The following BMPR2 variants were observed in gnomAD, a reference collection of about 807,000 sequenced individuals.
The protein encoded by BMPR2 is bone morphogenetic protein receptor type-2.
In BMPR2, 29 loss-of-function variants were observed where a neutral mutation model predicts 100.8. The ratio of observed to expected loss-of-function variants is 0.29; its 90% CI spans 0.21 to 0.39. The LOEUF (loss-of-function observed/expected upper bound fraction) is 0.39, where lower values mean the gene tolerates loss of function less well. Among genes scored for constraint, BMPR2 ranks in the 10% least tolerant of loss-of-function variants. The pLI, the probability that BMPR2 is intolerant of heterozygous loss-of-function variation, is 1.00. For missense variants in BMPR2, 1,011 were observed against 1,274.5 expected, an observed-to-expected ratio of 0.79 and a Z score of 3.15; for synonymous variants, 382 against 442.3, an observed-to-expected ratio of 0.86 and a Z score of 1.71.
intron 3 of BMPR2, among the ~76,000 whole-genome samples, chr2:202,484,380 C>A (rs1269345374): frequency 6.6e-6 from 1 of 151,682 alleles, no homozygotes; most frequent in Non-Finnish European, 1.5e-5. Context: ...TCCTTCCTTC[C>A]GAAAAAAAAT....
chr2:202,460,978 G>A lies in BMPR2; in HGVS notation c.77-3831G>A, dbSNP rs534473632. Among the ~76,000 whole-genome samples the A allele has an allele frequency of 8.6e-5, 13 of 151,844 alleles. No individual in the cohort carries two copies. In the East Asian group the frequency reaches 2.1e-3, roughly 25 times the overall value. ...CTATCCATCTGCCTCAGCCTCCCAA[G>A]TAGCTGGGACTGCAGGCATGCACTA... On this transcript the variant is annotated intron_variant, in intron 1 of 12. Transcript: ENST00000374580.
Position 202,542,411 on chromosome 2 carries a change from A to C in BMPR2, c.1377A>C (p.Arg459Ser). 1.2e-6 allele frequency: 2 copies of C among 1,614,106 alleles called. No individual in the cohort carries two copies. The highest frequency in any genetic ancestry group is 1.7e-6 in the Non-Finnish European group (2 of 1,180,006). Residue 459 changes from arginine to serine, a missense_variant, in exon 10 of 13, where the codon AGA becomes AGC. Around this residue, in one of 6 missense-constraint regions of BMPR2, gnomAD observed 83 missense variants for 140.7 expected, o/e 0.59. Transcript: ENST00000374580. ...MQVLVSREKQRPKFPEAWKEN... is the reference protein window; with the variant it reads ...MQVLVSREKQSPKFPEAWKEN... ...TTCTCGTGTCTAGGGAAAAACAGAG[A>C]CCCAAGTTCCCAGAAGCCTGGAAAG...
At chr2:202,557,986 A>C (rs533599930) in intron 12 of BMPR2, among the ~76,000 whole-genome samples, 9 of 152,192 alleles carry the variant, frequency 5.9e-5, no homozygotes, top group Non-Finnish European at 1.3e-4. Flanking sequence ...AACCTTAATA[A>C]ATCTTAAAGA....
intron 3 of BMPR2, among the ~76,000 whole-genome samples, chr2:202,511,752 C>T (rs950004078): frequency 2.6e-5 from 4 of 152,048 alleles, no homozygotes; most frequent in African/African-American, 4.8e-5. Flanking sequence ...GGCACAGTGA[C>T]TCACACCTGT....
intron 1 of BMPR2, among the ~76,000 whole-genome samples, chr2:202,417,760 C>G (rs1440122347): frequency 6.6e-6 from 1 of 151,480 alleles, no homozygotes; most frequent in Admixed American, 6.6e-5. Context: ...ACTCTGTCAC[C>G]CAGGCTGGAG....
rs1194977503 is a variant in BMPR2 at position 202,495,262 on chromosome 2, T to C, written c.419-18457T>C. Among the ~76,000 whole-genome samples the C allele has an allele frequency of 6.6e-6, 1 of 152,140 alleles. No homozygotes were observed. The highest frequency in any genetic ancestry group is 2.4e-5 in the African/African-American group (1 of 41,426). On this transcript the variant is annotated intron_variant, in intron 3 of 12. Coordinates refer to ENST00000374580, the MANE Select transcript of BMPR2 (RefSeq NM_001204.7). This position sits in a 1 kb window ranked among gnomAD's most constrained non-coding sequence, Gnocchi z 4.5. The stretch of plus-strand genomic sequence containing the variant: ...CTTGGAGAATGAGTGCAAGGTTTAT[T>C]AGTAGAAGTAGCTCTCAGCAGATGG...
intron 3 of BMPR2, among the ~76,000 whole-genome samples, chr2:202,487,099 C>T (rs62194093): frequency 0.074 from 11,198 of 152,086 alleles, 525 homozygotes; most frequent in Middle Eastern, 0.1. Flanking sequence ...GCTTTTTATC[C>T]GCATGATAGC....
At chr2:202,424,777 A>G (rs1171337076) in intron 1 of BMPR2, among the ~76,000 whole-genome samples, 1 of 152,168 alleles carries the variant, frequency 6.6e-6, no homozygotes, top group East Asian at 1.9e-4. Context: ...TTTAGCCAAT[A>G]TACTCACTTG....
chr2:202,426,049 A>G (rs1574442205), intron 1 of BMPR2, among the ~76,000 whole-genome samples: 1 of 152,344 alleles, frequency 6.6e-6, no homozygotes, highest in South Asian at 2.1e-4. Context: ...TGTATGGTTG[A>G]TACATACTTG....
intron 1 of BMPR2, among the ~76,000 whole-genome samples, chr2:202,435,617 A>G (rs1383524415): frequency 6.7e-6 from 1 of 149,840 alleles, no homozygotes; most frequent in Non-Finnish European, 1.5e-5. Context: ...GGGTACAGTA[A>G]TGTCCTAGGC....
chr2:202,532,567 A>G lies in BMPR2; in HGVS notation c.1129-18A>G. ...ATGCTACGTTCTCTCTCTAAAAAAT[A>G]TCACTCTAATTTATCAGGTTGGCAC... On this transcript the variant is annotated intron_variant, in intron 8 of 12. Transcript: ENST00000374580. The surrounding 1 kb of genome is among the most constrained non-coding windows in gnomAD (Gnocchi z 4.1). 6.2e-7 allele frequency: 1 copy of G among 1,613,244 alleles called. No homozygotes were observed. Among genetic ancestry groups the G allele is most frequent in the Non-Finnish European group, 8.5e-7 (1 of 1,179,336 alleles).
intron 9 of BMPR2, among the ~76,000 whole-genome samples, chr2:202,535,219 CCGGG>C (rs1688122670): frequency 6.6e-6 from 1 of 151,078 alleles, no homozygotes. Context: ...GGGGTGGCTG[CCGGG>C]CGGAGACACT....
At chr2:202,545,497 A>G (rs1029312708) in intron 10 of BMPR2, among the ~76,000 whole-genome samples, 46 of 152,240 alleles carry the variant, frequency 3.0e-4, no homozygotes, top group Non-Finnish European at 3.7e-4. Flanking sequence ...ACAAAAAGTG[A>G]AAAAATAAGC....
Position 202,548,739 on chromosome 2 carries a change from C to T in BMPR2, c.1414-3977C>T, listed in dbSNP as rs575558940. Among the ~76,000 whole-genome samples, 3 of 152,188 alleles carry T rather than the reference C, an allele frequency of 2.0e-5. No individual in the cohort carries two copies. The East Asian group carries it at 5.8e-4, about 29-fold the overall frequency. On this transcript the variant is annotated intron_variant, in intron 10 of 12. Coordinates refer to ENST00000374580, the MANE Select transcript of BMPR2 (RefSeq NM_001204.7). Reference sequence around the variant, plus strand: ...CCTCATTAGTGTTAATAATGCCACTCCCTTTAACTTATTTACACAAGCATT... The same window carrying T: ...CCTCATTAGTGTTAATAATGCCACTTCCTTTAACTTATTTACACAAGCATT...
rs1688712152 is a variant in BMPR2 at position 202,563,721 on chromosome 2, CAG to C, written c.*3779_*3780del. 2.6e-5 allele frequency: 4 copies of C among 152,262 alleles called. No homozygotes were observed. Among genetic ancestry groups the C allele is most frequent in the Admixed American group, 2.6e-4 (4 of 15,300 alleles). The allele number at this position is 152,262 out of a possible 1,614,324, so 9.4% of individuals were successfully genotyped here. A position where few individuals can be genotyped will look rare whatever the true frequency, so the allele number is the denominator to read the frequency against. On this transcript the variant is annotated 3_prime_UTR_variant, in exon 13 of 13. Transcript: ENST00000374580. ...GAAAAAGTTAAGATAGCTTTGGGAACAGAGACCTTTCCCTAAATTGATTCCAT... is the reference window on the plus strand; with the variant it reads ...GAAAAAGTTAAGATAGCTTTGGGAACAGACCTTTCCCTAAATTGATTCCAT...
chr2:202,465,247 G>A (rs1692297201), intron 2 of BMPR2, among the ~76,000 whole-genome samples: 1 of 151,862 alleles, frequency 6.6e-6, no homozygotes, highest in African/African-American at 2.4e-5. Flanking sequence ...AAATTAGTCG[G>A]GTATGGTGGT....
At chr2:202,510,701 G>A (rs564273765) in intron 3 of BMPR2, among the ~76,000 whole-genome samples, 12 of 152,026 alleles carry the variant, frequency 7.9e-5, no homozygotes, top group African/African-American at 2.9e-4. Flanking sequence ...TTGCTTTTGA[G>A]ACGGAGTCTT....
At chr2:202,521,880 C>T (rs1371899210) in intron 7 of BMPR2, among the ~76,000 whole-genome samples, 1 of 152,134 alleles carries the variant, frequency 6.6e-6, no homozygotes. Context: ...CTTTGGCTGG[C>T]ATGGTGACTC....
At chr2:202,436,349 G>A (rs1162503933) in intron 1 of BMPR2, among the ~76,000 whole-genome samples, 2 of 150,278 alleles carry the variant, frequency 1.3e-5, no homozygotes, top group Non-Finnish European at 2.9e-5. Flanking sequence ...GGGGGCCTGA[G>A]GTGGGAGGAT....
Sources: gnomAD v4.1 joint callset for allele counts (sites outside exome capture counted in the v4.1 genomes callset) on GRCh38, gnomAD v4.1.1 for gene constraint, gnomAD v4.1.1 regional missense constraint, Gnocchi (gnomAD v3.1) non-coding constraint, MANE v1.5 for transcripts, NCBI Gene and HGNC (gene_info 2026-07-23, HGNC 2026-07-21) for gene names.